Variants in ATG13 observed in about 807,000 individuals in gnomAD.
ATG13 encodes autophagy related 13, also known as autophagy-related protein 13.
In ATG13, 23 loss-of-function variants were observed where a neutral mutation model predicts 65.5. The ratio of observed to expected loss-of-function variants is 0.35; its 90% confidence interval spans 0.25 to 0.50. The LOEUF is 0.50. ATG13 is among the 20% of genes least tolerant of loss of function. The pLI is 0.98. For synonymous variants in ATG13, 252 were observed against 245.2 expected (o/e 1.03, Z -0.26); for missense variants, 566 against 677.0 (o/e 0.84, Z 1.82).
At chr11:46,656,803 G>T in intron 8 of ATG13, 1 of 370,246 alleles carries the variant, frequency 2.7e-6, no homozygotes, top group Non-Finnish European at 4.9e-6. Flanking sequence ...AAAACTAACA[G>T]TTATTTTATC....
At chr11:46,660,598 TG>T (rs1290541251) in intron 11 of ATG13, among the ~76,000 whole-genome samples, 1 of 151,708 alleles carries the variant, frequency 6.6e-6, no homozygotes, top group African/African-American at 2.4e-5. Flanking sequence ...TTAGTAAAGA[TG>T]GGGTTTCACC....
intron 6 of ATG13, 90 bp downstream of exon 6, chr11:46,649,273 CAG>C: frequency 7.0e-7 from 1 of 1,438,816 alleles, no homozygotes; most frequent in African/African-American, 1.4e-5. Flanking sequence ...TTTTCAGAGT[CAG>C]GGAGGGCATT....
chr11:46,634,150 C>T (rs2053040931), intron 2 of ATG13, among the ~76,000 whole-genome samples: 1 of 151,334 alleles, frequency 6.6e-6, no homozygotes, highest in African/African-American at 2.4e-5. Context: ...GGCTAGAGTT[C>T]AGTGGCACGA....
chr11:46,647,280 G>GTTT (rs60893694), intron 5 of ATG13, among the ~76,000 whole-genome samples: 3 of 55,934 alleles, frequency 5.4e-5, no homozygotes, highest in Non-Finnish European at 9.1e-5. Context: ...TGTTTTTTTT[G>GTTT]TTTTTTTTTT....
chr11:46,662,097 C>A (rs1171771961), intron 11 of ATG13, among the ~76,000 whole-genome samples: 1 of 152,130 alleles, frequency 6.6e-6, no homozygotes, highest in Non-Finnish European at 1.5e-5. Flanking sequence ...CTTACTGACA[C>A]AGAGTAGCAT....
Position 46,657,603 on chromosome 11 carries a change from A to G in ATG13, c.676A>G (p.Met226Val), listed in dbSNP as rs982084361. The part of the protein sequence containing the change: ...VDRPYPSSSP[M>V]HPCNYRTAGE... ...CCGTCCCTATCCCAGCTCCTCTCCC[A>G]TGCACCCCTGCAATTACAGGTGAGG... Residue 226 changes from methionine to valine, a missense_variant, in exon 10 of 19, where the codon ATG (methionine) becomes GTG (valine). Coordinates refer to ENST00000683050, the MANE Select transcript of ATG13 (RefSeq NM_001346311.2). 4 of 1,606,204 alleles carry G rather than the reference A, an allele frequency of 2.5e-6. No individual in the cohort carries two copies. Among genetic ancestry groups the G allele is most frequent in the Non-Finnish European group, 3.4e-6 (4 of 1,176,474 alleles).
chr11:46,617,712 A>C lies in ATG13; in HGVS notation c.-248A>C, dbSNP rs2045741154. ...GACAACTCGCGGAGTCTTAGGAGCA[A>C]AACGTCTGGGGCCTGCGAGCCAGGA... On this transcript the variant is annotated 5_prime_UTR_variant, in exon 1 of 19. Coordinates refer to ENST00000683050, the MANE Select transcript of ATG13 (RefSeq NM_001346311.2). 2.5e-6 allele frequency: 1 copy of C among 397,556 alleles called. No homozygotes were observed. Among genetic ancestry groups the C allele is most frequent in the African/African-American group, 2.1e-5 (1 of 48,708 alleles). The allele number at this position is 397,556 out of a possible 1,614,324, so 24.6% of individuals were successfully genotyped here.
intron 11 of ATG13, 158 bp downstream of exon 11, chr11:46,659,643 A>G: frequency 1.7e-6 from 1 of 574,048 alleles, no homozygotes; most frequent in South Asian, 2.3e-5. Flanking sequence ...CTTGTCCAGA[A>G]GATAGTATTT....
At chr11:46,648,367 T>C (rs1404996060) in intron 5 of ATG13, among the ~76,000 whole-genome samples, 1 of 152,184 alleles carries the variant, frequency 6.6e-6, no homozygotes, top group Non-Finnish European at 1.5e-5. Context: ...AAGAAATTAA[T>C]TGAGTTTGTG....
intron 2 of ATG13, among the ~76,000 whole-genome samples, chr11:46,633,609 A>G (rs2052782422): frequency 6.6e-6 from 1 of 151,864 alleles, no homozygotes; most frequent in Admixed American, 6.6e-5. Context: ...TGCCACCCAA[A>G]GTGTTGGGAT....
chr11:46,620,488 C>CT (rs1437571659), intron 1 of ATG13, among the ~76,000 whole-genome samples: 2 of 151,782 alleles, frequency 1.3e-5, no homozygotes, highest in Middle Eastern at 3.2e-3. Context: ...AAAAACAACT[C>CT]AATTGGGCTG....
Position 46,664,022 on chromosome 11 carries a change from A to AT in ATG13, c.819dup (p.Gln274SerfsTer42), listed in dbSNP as rs1334097024. 1.3e-6 allele frequency: 2 copies of AT among 1,592,458 alleles called. No individual in the cohort carries two copies. The highest frequency in any genetic ancestry group is 1.7e-6 in the Non-Finnish European group (2 of 1,178,914). The stretch of plus-strand genomic sequence containing the variant: ...TGTGTGTTTACTGTCACAAAGGCAC[A>AT]TTTTCAGACCCCTACTCCTGTGGTG... On this transcript the variant is annotated frameshift_variant, in exon 12 of 19. Coordinates refer to ENST00000683050, the MANE Select transcript of ATG13 (RefSeq NM_001346311.2). LOFTEE classifies it high-confidence loss of function.
At chr11:46,657,354 C>A in intron 9 of ATG13, 163 bp downstream of exon 9, 1 of 924,538 alleles carries the variant, frequency 1.1e-6, no homozygotes, top group Non-Finnish European at 1.7e-6. Flanking sequence ...TTGAGTGTCC[C>A]AGAGCCAGTT....
intron 13 of ATG13, 126 bp downstream of exon 13, chr11:46,665,085 G>A (rs2062006998): frequency 4.9e-6 from 5 of 1,025,030 alleles, no homozygotes; most frequent in Middle Eastern, 3.2e-4. Context: ...AAACTCTTTC[G>A]TGACTTCAGA....
chr11:46,668,745 T>G lies in ATG13; in HGVS notation c.1330-49T>G, dbSNP rs780754610. 3 of 1,534,342 alleles carry G rather than the reference T, an allele frequency of 2.0e-6. No individual in the cohort carries two copies. In the South Asian group the frequency reaches 3.4e-5, roughly 17 times the overall value. On this transcript the variant is annotated intron_variant, in intron 16 of 18. Transcript: ENST00000683050. ...AATTTTCAGATTGTTTACAGTAACT[T>G]GAATCTGGGTCACAGCATCAGCCCT...
rs907558968 is a variant in ATG13, at chr11:46,631,134, T to C, written c.-14+1034T>C. On this transcript the variant is annotated intron_variant, in intron 2 of 18. Transcript: ENST00000683050. ...TTTTAATTGAGGATTAGGAAGATAA[T>C]TTAGATAAATATGTCTTATCTGCCT... is the stretch of plus-strand genomic sequence containing the variant. 3 of 152,228 alleles carry C rather than the reference T, an allele frequency of 2.0e-5. No individual in the cohort carries two copies. The East Asian group carries it at 5.8e-4, about 29-fold the overall frequency. The allele number at this position is 152,228 out of a possible 1,614,324, so 9.4% of individuals were successfully genotyped here.
At chr11:46,652,268 G>A (rs892633614) in intron 7 of ATG13, among the ~76,000 whole-genome samples, 2 of 151,710 alleles carry the variant, frequency 1.3e-5, no homozygotes, top group Non-Finnish European at 2.9e-5. Flanking sequence ...AAACAAACTA[G>A]TGCTGCTCAC....
chr11:46,653,617 T>C (rs939112637), intron 7 of ATG13, among the ~76,000 whole-genome samples: 7 of 151,998 alleles, frequency 4.6e-5, no homozygotes, highest in Admixed American at 1.3e-4. Context: ...TTGCCCAGGC[T>C]GGAGTACAAT....
chr11:46,665,565 C>T (rs375026959), intron 14 of ATG13, 46 bp downstream of exon 14: 2 of 1,600,862 alleles, frequency 1.2e-6, no homozygotes, highest in African/African-American at 2.7e-5. Flanking sequence ...TGGCCAGGGG[C>T]CTGGGCTCCC....
Sources: gnomAD v4.1 joint callset for allele counts (sites outside exome capture counted in the v4.1 genomes callset) on GRCh38, gnomAD v4.1.1 for gene constraint, MANE v1.5 for transcripts, NCBI Gene and HGNC (gene_info 2026-07-23, HGNC 2026-07-21) for gene names.